The following ZFYVE1 variants were observed in gnomAD, a reference collection of about 807,000 sequenced individuals.
ZFYVE1 encodes zinc finger FYVE-type containing 1, also known as zinc finger FYVE domain-containing protein 1.
A neutral mutation model predicts 74.4 loss-of-function variants in ZFYVE1; 30 were observed. The observed-to-expected ratio is 0.40, with a 90% CI of 0.30 to 0.55. The LOEUF (loss-of-function observed/expected upper bound fraction) is 0.55, where lower values mean the gene tolerates loss of function less well. Ranked by LOEUF, ZFYVE1 falls within the 20% of genes least tolerant of loss-of-function variation. The pLI is 0.42. For synonymous variants in ZFYVE1, 335 were observed against 385.1 expected, an observed-to-expected ratio of 0.87 and a Z score of 1.52; for missense variants, 703 against 1,011.6, an observed-to-expected ratio of 0.69 and a Z score of 4.14.
rs1056952853 is a variant in ZFYVE1, at chr14:72,974,669, T to C, written c.1987+110A>G. On this transcript the variant is annotated intron_variant, in intron 10 of 11. Coordinates refer to ENST00000556143, the MANE Select transcript of ZFYVE1 (RefSeq NM_021260.4). ...GCTGACTGGCCAAGACCAGAAGTACTCTCACAAGGGAGATGTGGATTAGGG... is the reference window on the plus strand; with the variant it reads ...GCTGACTGGCCAAGACCAGAAGTACCCTCACAAGGGAGATGTGGATTAGGG... 3 of 1,381,362 alleles carry C rather than the reference T, an allele frequency of 2.2e-6. No homozygotes were observed. In the African/African-American group the frequency reaches 4.3e-5, roughly 20 times the overall value. The allele number at this position is 1,381,362 out of a possible 1,614,324, so 85.6% of individuals were successfully genotyped here.
At chr14:72,982,034 A>G (rs1374035385) in intron 4 of ZFYVE1, 139 bp from the exon 5 acceptor site, 3 of 690,616 alleles carry the variant, frequency 4.3e-6, no homozygotes, top group Non-Finnish European at 2.5e-6. Context: ...GACCTTCCTG[A>G]CCCCACTCAC....
rs1287539590 is a variant in ZFYVE1, at chr14:72,975,581, A to C, written c.1776T>G (p.Pro592=). The C allele has an allele frequency of 9.3e-6, 15 of 1,613,880 alleles. No individual in the cohort carries two copies. The highest frequency in any genetic ancestry group is 1.2e-5 in the Non-Finnish European group (14 of 1,179,912). The part of the protein sequence containing the change: ...VTSWLTDQIA[P]AYWRPNSQIL... ...TCTGGGAGTTGGGCCTCCAGTAGGC[A>C]GGGGCGATCTGGTCTGTCAGCCAGG... Residue 592 remains proline, a synonymous_variant, in exon 9 of 12, where the codon CCT becomes CCG. Coordinates refer to ENST00000556143, the MANE Select transcript of ZFYVE1 (RefSeq NM_021260.4). The surrounding 1 kb of genome is among the most constrained non-coding windows in gnomAD (Gnocchi z 4.1).
At chr14:72,987,366 A>G (rs899333768) in intron 4 of ZFYVE1, among the ~76,000 whole-genome samples, 24 of 152,210 alleles carry the variant, frequency 1.6e-4, no homozygotes, top group African/African-American at 5.8e-4. Context: ...CAGGAGTTCA[A>G]GACCAGCCTG....
At chr14:73,026,542 G>T (rs1023939498) in intron 1 of ZFYVE1, among the ~76,000 whole-genome samples, 1 of 152,092 alleles carries the variant, frequency 6.6e-6, no homozygotes, top group Non-Finnish European at 1.5e-5. Flanking sequence ...AATCAAACTT[G>T]TCACAATTGA....
intron 5 of ZFYVE1, among the ~76,000 whole-genome samples, chr14:72,981,389 G>C (rs1018443476): frequency 5.9e-5 from 9 of 152,104 alleles, no homozygotes; most frequent in East Asian, 1.9e-4. Flanking sequence ...TTTTGCACAG[G>C]GGGGGCACTC....
At chr14:73,004,429 GATTCAT>G (rs1488529773) in intron 2 of ZFYVE1, among the ~76,000 whole-genome samples, 1 of 151,962 alleles carries the variant, frequency 6.6e-6, no homozygotes, top group Non-Finnish European at 1.5e-5. Flanking sequence ...AATGTCTCGG[GATTCAT>G]ATTAAGTGTC....
rs555003383 is a variant in ZFYVE1, at chr14:72,992,615, GC to G, written c.1203+527del. On this transcript the variant is annotated intron_variant, in intron 4 of 11. Transcript: ENST00000556143. Reference sequence around the variant, plus strand: ...CTCTGGGGGGAGGTCCCATTCAGGTGCCCCCCCCGCCCCTTGCAAGAGAGAG... The same window carrying G: ...CTCTGGGGGGAGGTCCCATTCAGGTGCCCCCCCGCCCCTTGCAAGAGAGAG... Among the ~76,000 whole-genome samples, 100 of 109,084 alleles carry G rather than the reference GC, an allele frequency of 9.2e-4. 9 individuals carry two copies. The highest frequency in any genetic ancestry group is 1.5e-3 in the African/African-American group (34 of 23,246). The allele number at this position is 109,084 out of a possible 152,430, so 71.6% of individuals were successfully genotyped here. A position where few individuals can be genotyped will look rare whatever the true frequency, so the allele number is the denominator to read the frequency against.
chr14:73,021,263 G>A (rs1320751402), intron 2 of ZFYVE1, among the ~76,000 whole-genome samples: 24 of 152,026 alleles, frequency 1.6e-4, no homozygotes. Flanking sequence ...CAGGAGAATC[G>A]CTTGAACCTG....
rs1893011654 is a variant in ZFYVE1, at chr14:72,970,777, G to A, written c.*105C>T. 8.0e-7 allele frequency: 1 copy of A among 1,252,988 alleles called. No homozygotes were observed. Among genetic ancestry groups the A allele is most frequent in the South Asian group, 1.5e-5 (1 of 68,924 alleles). The allele number at this position is 1,252,988 out of a possible 1,614,324, so 77.6% of individuals were successfully genotyped here. On this transcript the variant is annotated 3_prime_UTR_variant, in exon 12 of 12. Coordinates refer to ENST00000556143, the MANE Select transcript of ZFYVE1 (RefSeq NM_021260.4). ...AGTGGCCCTGGATGCGGAGAGGAGA[G>A]GACACACACCACAGCAGGTGACTGG...
At position 72,998,013 on chromosome 14, in the gene ZFYVE1, G is replaced by C. The variant is rs145377548; in HGVS notation, c.786C>G (p.Leu262=). The C allele has an allele frequency of 1.2e-6, 2 of 1,613,956 alleles. No homozygotes were observed. Among genetic ancestry groups the C allele is most frequent in the East Asian group, 4.5e-5 (2 of 44,880 alleles). Residue 262 remains leucine, a synonymous_variant, in exon 3 of 12, where the codon CTC becomes CTG. Coordinates refer to ENST00000556143, the MANE Select transcript of ZFYVE1 (RefSeq NM_021260.4). ...GGTCTGCATGAGTTCGATAGATGAC[G>C]AGGTCTGAGATGGCCAGGACCTTAA... ...LLLKVLAISD[L]VIYRTHADRL...
At chr14:73,003,710 G>GA (rs764168409) in intron 2 of ZFYVE1, among the ~76,000 whole-genome samples, 10,495 of 143,974 alleles carry the variant, frequency 0.073, 519 homozygotes, top group South Asian at 0.2. Context: ...ACTCTAACTG[G>GA]AAAAAAAAAA....
In ZFYVE1 at chr14:72,975,137, A is replaced by G. The variant is rs938620596; in HGVS notation, c.1807-178T>C. On this transcript the variant is annotated intron_variant, in intron 9 of 11. Coordinates refer to ENST00000556143, the MANE Select transcript of ZFYVE1 (RefSeq NM_021260.4). This position sits in a 1 kb window ranked among gnomAD's most constrained non-coding sequence, Gnocchi z 4.1. ...AGAATGGAAAGGAAGCCTGGTGGAC[A>G]GTGAGTTTCCTTTCACTAAGTGTCT... 2 of 659,958 alleles carry G rather than the reference A, an allele frequency of 3.0e-6. No homozygotes were observed. The highest frequency in any genetic ancestry group is 3.2e-5 in the Admixed American group (1 of 31,020). The allele number at this position is 659,958 out of a possible 1,614,324, so 40.9% of individuals were successfully genotyped here.
intron 3 of ZFYVE1, 148 bp downstream of exon 3, chr14:72,997,663 C>T: frequency 1.8e-6 from 2 of 1,085,374 alleles, no homozygotes; most frequent in Non-Finnish European, 2.6e-6. Flanking sequence ...TGTTTGATCA[C>T]TCCATCCTCC....
intron 2 of ZFYVE1, among the ~76,000 whole-genome samples, chr14:73,022,046 C>T (rs1894330328): frequency 6.6e-6 from 1 of 152,206 alleles, no homozygotes; most frequent in African/African-American, 2.4e-5. Context: ...CAAAAGCTGA[C>T]ATTACAGAGA....
rs1340538067 is a variant in ZFYVE1, at chr14:72,997,911, C to T, written c.888G>A (p.Lys296=). Residue 296 remains lysine (K), a synonymous_variant, in exon 3 of 12, where the codon AAG becomes AAA. Transcript: ENST00000556143. The stretch of plus-strand genomic sequence containing the variant: ...CCAGGCCACAGCGAGCAGTGGTGGC[C>T]TTGAGCTCCTTGGTGAAGTGCTTCA... ...AYLKHFTKEL[K]ATTARCGLDV... 1 of 1,614,008 alleles carries T rather than the reference C, an allele frequency of 6.2e-7. No individual in the cohort carries two copies. The highest frequency in any genetic ancestry group is 8.5e-7 in the Non-Finnish European group (1 of 1,180,020).
At position 72,975,282 on chromosome 14, in the gene ZFYVE1, A is replaced by G. The variant is rs1469495210; in HGVS notation, c.1806+269T>C. Reference sequence around the variant, plus strand: ...TCCAGATTCTTATCTGGGTCCTCACATATCTAAGCAATATTCACTGGTCGT... The same window carrying G: ...TCCAGATTCTTATCTGGGTCCTCACGTATCTAAGCAATATTCACTGGTCGT... On this transcript the variant is annotated intron_variant, in intron 9 of 11. Transcript: ENST00000556143. The surrounding 1 kb of genome is among the most constrained non-coding windows in gnomAD (Gnocchi z 4.1). 3 of 526,092 alleles carry G rather than the reference A, an allele frequency of 5.7e-6. No individual in the cohort carries two copies. Among genetic ancestry groups the G allele is most frequent in the East Asian group, 3.2e-5 (1 of 31,676 alleles). The allele number at this position is 526,092 out of a possible 1,614,324, so 32.6% of individuals were successfully genotyped here. A position where few individuals can be genotyped will look rare whatever the true frequency, so the allele number is the denominator to read the frequency against.
At chr14:72,994,733 A>T (rs889880665) in intron 3 of ZFYVE1, among the ~76,000 whole-genome samples, 1 of 152,224 alleles carries the variant, frequency 6.6e-6, no homozygotes, top group African/African-American at 2.4e-5. Flanking sequence ...CTACAGACTT[A>T]GCAACATATA....
Position 72,978,913 on chromosome 14 carries a change from T to C in ZFYVE1, c.1367A>G (p.Lys456Arg). 1 of 1,614,132 alleles carries C rather than the reference T, an allele frequency of 6.2e-7. No individual in the cohort carries two copies. Among genetic ancestry groups the C allele is most frequent in the Non-Finnish European group, 8.5e-7 (1 of 1,179,990 alleles). ...HGKEGVPHEA[K>R]SRCRYSHQYD... ...CTGGTGGGAGTATCTGCAGCGGCTC[T>C]TGGCTTCATGAGGCACTCCTTCCTT... is the stretch of plus-strand genomic sequence containing the variant. Residue 456 changes from lysine (K) to arginine (R), a missense_variant, in exon 6 of 12, where the codon AAG becomes AGG. By Grantham distance (26) the Lys-to-Arg change is conservative. Coordinates refer to ENST00000556143, the MANE Select transcript of ZFYVE1 (RefSeq NM_021260.4).
In ZFYVE1 at chr14:73,000,424, C is replaced by T. The variant is rs987751451; in HGVS notation, c.484-2109G>A. Among the ~76,000 whole-genome samples, 5 of 151,958 alleles carry T rather than the reference C, an allele frequency of 3.3e-5. No individual in the cohort carries two copies. The East Asian group carries it at 9.7e-4, about 29-fold the overall frequency. ...TGAGACCAGCCTGGCCAACATGGTG[C>T]GACCTCTGTCTCTATAAAAAAAATT... is the stretch of plus-strand genomic sequence containing the variant. On this transcript the variant is annotated intron_variant, in intron 2 of 11. Transcript: ENST00000556143.
Sources: gnomAD v4.1 joint callset for allele counts (sites outside exome capture counted in the v4.1 genomes callset) on GRCh38, gnomAD v4.1.1 for gene constraint, Gnocchi (gnomAD v3.1) non-coding constraint, MANE v1.5 for transcripts, NCBI Gene and HGNC (gene_info 2026-07-23, HGNC 2026-07-21) for gene names.